The following TRAPPC8 variants were observed in gnomAD, a reference collection of about 807,000 sequenced individuals.
TRAPPC8 encodes the protein general sporulation gene 1 homolog.
TRAPPC8 carries 54 observed loss-of-function variants against 174.3 expected under a neutral mutation model. That is an observed-to-expected ratio of 0.31 (90% CI 0.25 to 0.39). The LOEUF is 0.39. TRAPPC8 is among the 10% of genes least tolerant of loss of function. The pLI is 1.00. For synonymous variants in TRAPPC8, 630 were observed against 579.9 expected, an observed-to-expected ratio of 1.09 and a Z score of -1.24; for missense variants, 1,531 against 1,699.1, an observed-to-expected ratio of 0.90 and a Z score of 1.74.
intron 16 of TRAPPC8, among the ~76,000 whole-genome samples, chr18:31,869,346 A>C (rs1184892955): frequency 1.3e-5 from 2 of 152,224 alleles, no homozygotes; most frequent in African/African-American, 4.8e-5. Flanking sequence ...AACAGTTAAG[A>C]TGGCATTTTA....
At chr18:31,844,797 ACT>A (rs2033303112) in intron 26 of TRAPPC8, among the ~76,000 whole-genome samples, 8 of 152,222 alleles carry the variant, frequency 5.3e-5, no homozygotes, top group Admixed American at 3.3e-4. Context: ...CAAATTACTT[ACT>A]ATTATGAAAG....
Position 31,942,950 on chromosome 18 carries a change from A to G in TRAPPC8, c.-186T>C, listed in dbSNP as rs906133237. On this transcript the variant is annotated 5_prime_UTR_variant, in exon 1 of 29. Coordinates refer to ENST00000283351, the MANE Select transcript of TRAPPC8 (RefSeq NM_014939.5). ...TCGGTTTCTGGGGCACAATCCACTGACCCCCCCCTTCCCGTCACCGCCGCT... is the reference window on the plus strand; with the variant it reads ...TCGGTTTCTGGGGCACAATCCACTGGCCCCCCCCTTCCCGTCACCGCCGCT... 6.1e-6 allele frequency: 7 copies of G among 1,151,320 alleles called. No individual in the cohort carries two copies. The highest frequency in any genetic ancestry group is 8.7e-5 in the Admixed American group (2 of 22,954). The allele number at this position is 1,151,320 out of a possible 1,614,324, so 71.3% of individuals were successfully genotyped here.
intron 1 of TRAPPC8, among the ~76,000 whole-genome samples, chr18:31,936,721 G>A (rs946480994): frequency 4.0e-5 from 6 of 151,662 alleles, no homozygotes; most frequent in Admixed American, 6.6e-5. Context: ...GGCCAACATA[G>A]CAAAACCCTG....
chr18:31,890,301 T>C lies in TRAPPC8; in HGVS notation c.1728+434A>G, dbSNP rs144088474. ...AGAGACAACAGACAGAAGATGTCTA[T>C]ACATTAAGTATTTAGTCAATAGCAT... On this transcript the variant is annotated intron_variant, in intron 12 of 28. Coordinates refer to ENST00000283351, the MANE Select transcript of TRAPPC8 (RefSeq NM_014939.5). 6.1e-3 allele frequency among the ~76,000 whole-genome samples: 923 copies of C among 152,288 alleles called. 12 individuals carry two copies. The highest frequency in any genetic ancestry group is 0.021 in the African/African-American group (884 of 41,562).
intron 19 of TRAPPC8, among the ~76,000 whole-genome samples, chr18:31,861,094 G>A (rs1224179412): frequency 2.0e-5 from 3 of 152,140 alleles, no homozygotes; most frequent in African/African-American, 7.2e-5. Flanking sequence ...ACCCATACCA[G>A]CACTCATAGA....
intron 12 of TRAPPC8, among the ~76,000 whole-genome samples, chr18:31,880,433 A>G (rs555688600): frequency 1.3e-5 from 2 of 152,174 alleles, no homozygotes; most frequent in East Asian, 3.9e-4. Flanking sequence ...AAAGCATTCA[A>G]TAAAGTCCAA....
intron 1 of TRAPPC8, among the ~76,000 whole-genome samples, chr18:31,932,438 A>AC (rs2037888222): frequency 1.3e-5 from 2 of 151,502 alleles, no homozygotes; most frequent in East Asian, 1.9e-4. Context: ...AAAAAAAAAA[A>AC]AACAACAACA....
At chr18:31,874,909 T>C (rs562175589) in intron 12 of TRAPPC8, among the ~76,000 whole-genome samples, 6 of 152,126 alleles carry the variant, frequency 3.9e-5, no homozygotes, top group Non-Finnish European at 8.8e-5. Context: ...ACCTGAGCCA[T>C]TGTGTGTGTG....
At position 31,935,445 on chromosome 18, in the gene TRAPPC8, G is replaced by A. The variant is rs371766375; in HGVS notation, c.158-3922C>T. ...CCCAGTGGCTCAAGCCAGCTACTCG[G>A]CAGGCTGAGGCAGAACTGCTTGAAC... On this transcript the variant is annotated intron_variant, in intron 1 of 28. Coordinates refer to ENST00000283351, the MANE Select transcript of TRAPPC8 (RefSeq NM_014939.5). Among the ~76,000 whole-genome samples the A allele has an allele frequency of 2.1e-4, 31 of 148,174 alleles. No homozygotes were observed. The East Asian group carries it at 4.2e-3, about 20-fold the overall frequency.
chr18:31,876,774 C>G (rs1385768629), intron 12 of TRAPPC8, among the ~76,000 whole-genome samples: 1 of 151,780 alleles, frequency 6.6e-6, no homozygotes, highest in African/African-American at 2.4e-5. Context: ...CACCATCCAA[C>G]TGATGGGGAG....
At chr18:31,864,378 T>C (rs2034486783) in intron 19 of TRAPPC8, among the ~76,000 whole-genome samples, 1 of 152,068 alleles carries the variant, frequency 6.6e-6, no homozygotes, top group Non-Finnish European at 1.5e-5. Context: ...CAGAGTGGAT[T>C]TTTTAGAAGT....
intron 19 of TRAPPC8, 72 bp from the exon 20 acceptor site, chr18:31,858,054 G>C: frequency 8.0e-7 from 1 of 1,245,800 alleles, no homozygotes; most frequent in Non-Finnish European, 1.1e-6. Context: ...AACACTTTAA[G>C]ACACTTTTTT....
At chr18:31,931,747 C>T (rs2037854281) in intron 1 of TRAPPC8, among the ~76,000 whole-genome samples, 1 of 152,162 alleles carries the variant, frequency 6.6e-6, no homozygotes, top group South Asian at 2.1e-4. Flanking sequence ...CCTCTCACTA[C>T]TGCTCAGCTT....
chr18:31,909,458 T>C, intron 6 of TRAPPC8: 3 of 589,172 alleles, frequency 5.1e-6, no homozygotes, highest in Non-Finnish European at 6.4e-6. Context: ...TTAAAAGAAA[T>C]CTATACACTA....
At chr18:31,846,402 C>G (rs2033403800) in intron 26 of TRAPPC8, among the ~76,000 whole-genome samples, 1 of 151,846 alleles carries the variant, frequency 6.6e-6, no homozygotes, top group South Asian at 2.1e-4. Context: ...GGTGAAACTC[C>G]ATCTCTACAA....
chr18:31,932,816 T>C (rs2037905111), intron 1 of TRAPPC8, among the ~76,000 whole-genome samples: 1 of 151,392 alleles, frequency 6.6e-6, no homozygotes, highest in African/African-American at 2.4e-5. Context: ...ACCTCGTCTC[T>C]ACTAAAAATA....
At chr18:31,902,424 T>C (rs758147686) in intron 9 of TRAPPC8, among the ~76,000 whole-genome samples, 1 of 152,210 alleles carries the variant, frequency 6.6e-6, no homozygotes, top group Non-Finnish European at 1.5e-5. Flanking sequence ...TTATTTCTGT[T>C]AAGCAGCATC....
intron 28 of TRAPPC8, among the ~76,000 whole-genome samples, chr18:31,831,396 A>T (rs1791454720): frequency 6.6e-6 from 1 of 152,210 alleles, no homozygotes; most frequent in Admixed American, 6.5e-5. Context: ...ATTTCTAAAA[A>T]TTATTTTATG....
intron 25 of TRAPPC8, among the ~76,000 whole-genome samples, chr18:31,848,735 T>C (rs961438962): frequency 6.6e-6 from 1 of 152,148 alleles, no homozygotes; most frequent in African/African-American, 2.4e-5. Context: ...ATCAAAACCT[T>C]GTCACAAAGT....
Sources: gnomAD v4.1 joint callset for allele counts (sites outside exome capture counted in the v4.1 genomes callset) on GRCh38, gnomAD v4.1.1 for gene constraint, MANE v1.5 for transcripts, NCBI Gene and HGNC (gene_info 2026-07-23, HGNC 2026-07-21) for gene names.